TENM3: variants seen among roughly 807,000 people sequenced by gnomAD.
TENM3 encodes teneurin transmembrane protein 3.
Under a neutral mutation model 255.1 loss-of-function variants are expected in TENM3, and 63 were observed. That is an observed-to-expected ratio of 0.25 (90% CI 0.20 to 0.30). The LOEUF is 0.30. TENM3 is among the 10% of genes least tolerant of loss of function. The pLI is 1.00. For synonymous variants in TENM3, 1,306 were observed against 1,322.3 expected (o/e 0.99, Z 0.27); for missense variants, 2,929 against 3,461.1 (o/e 0.85, Z 3.86).
the TENM3 span, among the ~76,000 whole-genome samples, chr4:181,641,550 GTGTGTATATATATA>G: frequency 5.9e-3 from 287 of 49,042 alleles, 12 homozygotes; most frequent in African/African-American, 0.03. Flanking sequence ...TCCATGGTGT[GTGTGTATATATATA>G]TATATATATA....
At chr4:181,605,571 AG>A in the TENM3 span, among the ~76,000 whole-genome samples, 2,092 of 28,704 alleles carry the variant, frequency 0.073, 305 homozygotes, top group Middle Eastern at 0.26. Context: ...AGAAAGAAAG[AG>A]AGAGAAAGAA....
chr4:181,887,582 A>G, the TENM3 span, among the ~76,000 whole-genome samples: 2 of 152,158 alleles, frequency 1.3e-5, no homozygotes, highest in East Asian at 3.9e-4. Flanking sequence ...TGCAACCACA[A>G]CTGTTTAAAA....
chr4:181,992,897 T>C, the TENM3 span, among the ~76,000 whole-genome samples: 1 of 152,282 alleles, frequency 6.6e-6, no homozygotes, highest in East Asian at 1.9e-4. Context: ...AAATATAGTT[T>C]AAGTGGCTCT....
the TENM3 span, among the ~76,000 whole-genome samples, chr4:182,126,212 A>G: frequency 1.3e-5 from 2 of 152,064 alleles, no homozygotes; most frequent in Non-Finnish European, 2.9e-5. Context: ...TTAGTTTTTC[A>G]GAGAGTAAGT....
intron 4 of TENM3, among the ~76,000 whole-genome samples, chr4:182,615,046 C>CATAT (rs10570169): frequency 0.033 from 3,716 of 111,930 alleles, 84 homozygotes; most frequent in Middle Eastern, 0.045. Flanking sequence ...AAAAAAAATA[C>CATAT]ATATATATAT....
the TENM3 span, among the ~76,000 whole-genome samples, chr4:181,791,645 C>G: frequency 6.6e-6 from 1 of 152,186 alleles, no homozygotes; most frequent in African/African-American, 2.4e-5. Context: ...AAACAGCATT[C>G]GGCAGTAAGG....
chr4:181,989,998 T>G, the TENM3 span, among the ~76,000 whole-genome samples: 3 of 152,150 alleles, frequency 2.0e-5, no homozygotes, highest in Admixed American at 2.0e-4. Context: ...TATAAATGAT[T>G]TGTTACCAAA....
At chr4:182,300,412 T>A (rs994570346) in intron 1 of TENM3, among the ~76,000 whole-genome samples, 15 of 152,176 alleles carry the variant, frequency 9.9e-5, no homozygotes, top group African/African-American at 3.4e-4. Context: ...TTCTGTATGT[T>A]GAATTATGGG....
At chr4:182,431,361 G>A (rs1213533638) in intron 3 of TENM3, among the ~76,000 whole-genome samples, 1 of 151,924 alleles carries the variant, frequency 6.6e-6, no homozygotes, top group Non-Finnish European at 1.5e-5. Flanking sequence ...GGGCGTGGTG[G>A]CACATGCCTG....
chr4:182,167,850 C>A (rs1052752352), intron 1 of TENM3, among the ~76,000 whole-genome samples: 3 of 152,134 alleles, frequency 2.0e-5, no homozygotes, highest in African/African-American at 7.2e-5. Flanking sequence ...TGCCACTGTG[C>A]TCCAGCCTGG....
the TENM3 span, among the ~76,000 whole-genome samples, chr4:181,758,879 T>C: frequency 1.3e-5 from 2 of 152,340 alleles, no homozygotes; most frequent in South Asian, 4.1e-4. Context: ...GAAGTAAATT[T>C]TTAAAAACCA....
At chr4:181,858,604 A>G in the TENM3 span, among the ~76,000 whole-genome samples, 2 of 152,240 alleles carry the variant, frequency 1.3e-5, no homozygotes, top group African/African-American at 4.8e-5. Flanking sequence ...GCGTTTGCAG[A>G]ACAGGTAATC....
the TENM3 span, among the ~76,000 whole-genome samples, chr4:182,118,608 T>C: frequency 3.9e-3 from 5 of 1,268 alleles, 1 homozygote; most frequent in Admixed American, 0.011. Context: ...TTTTTGTAGA[T>C]TTTTTAAGAA....
intron 1 of TENM3, 41 bp from the exon 2 acceptor site, chr4:182,323,905 G>C: frequency 1.2e-6 from 1 of 814,234 alleles, no homozygotes; most frequent in South Asian, 1.7e-5. Context: ...GTTTTTAGGT[G>C]AACGTCATGC....
intron 3 of TENM3, among the ~76,000 whole-genome samples, chr4:182,598,471 G>A (rs1214004244): frequency 1.3e-5 from 2 of 152,168 alleles, no homozygotes; most frequent in African/African-American, 4.8e-5. Context: ...TGTACCTAAG[G>A]AAAGCAGCAG....
the TENM3 span, among the ~76,000 whole-genome samples, chr4:181,520,066 G>T: frequency 2.0e-5 from 3 of 152,208 alleles, no homozygotes; most frequent in Admixed American, 6.5e-5. Context: ...TTAGGTTTTG[G>T]GTTAGCAAAT....
chr4:181,656,243 A>AC, the TENM3 span, among the ~76,000 whole-genome samples: 2 of 152,068 alleles, frequency 1.3e-5, no homozygotes, highest in Non-Finnish European at 2.9e-5. Context: ...CCAAGCTAAG[A>AC]CCCCACAATG....
the TENM3 span, among the ~76,000 whole-genome samples, chr4:181,671,775 C>A: frequency 3.1e-4 from 47 of 151,888 alleles, no homozygotes; most frequent in African/African-American, 1.1e-3. Flanking sequence ...CATTTCCTGC[C>A]ATGAGCAAAG....
the TENM3 span, among the ~76,000 whole-genome samples, chr4:182,099,054 C>T: frequency 8.1e-5 from 12 of 147,358 alleles, no homozygotes; most frequent in African/African-American, 2.0e-4. Flanking sequence ...CTCTGCTTCC[C>T]GGGTTCAAGC....
Sources: allele counts gnomAD v4.1 joint callset (sites outside exome capture counted in the v4.1 genomes callset), GRCh38; gene constraint gnomAD v4.1.1; transcripts MANE v1.5; gene names NCBI Gene and HGNC (gene_info 2026-07-23, HGNC 2026-07-21).